The following SSH2 variants were observed in gnomAD, a reference collection of about 807,000 sequenced individuals.
SSH2 encodes the protein protein phosphatase Slingshot homolog 2.
In SSH2, 37 loss-of-function variants were observed where a neutral mutation model predicts 135.2. That is an observed-to-expected ratio of 0.27 (90% confidence interval 0.21 to 0.36). The LOEUF (loss-of-function observed/expected upper bound fraction) is 0.36. Among genes scored for constraint, SSH2 ranks in the 10% least tolerant of loss-of-function variants. SSH2 has a pLI of 1.00. For missense variants in SSH2, 1,408 were observed against 1,765.3 expected (o/e 0.80, Z 3.63); for synonymous variants, 628 against 646.2 (o/e 0.97, Z 0.43).
chr17:29,777,414 C>T (rs1349931376), intron 3 of SSH2, among the ~76,000 whole-genome samples: 1 of 152,036 alleles, frequency 6.6e-6, no homozygotes, highest in African/African-American at 2.4e-5. Flanking sequence ...ATTACTAGCC[C>T]ATCCTGTTTA....
chr17:29,898,080 C>T (rs1272172918), intron 1 of SSH2, among the ~76,000 whole-genome samples: 6 of 151,936 alleles, frequency 3.9e-5, no homozygotes, highest in South Asian at 2.1e-4. Context: ...TTGAAACCAA[C>T]GAGAACAAAG....
chr17:29,649,253 A>C (rs920278664), intron 13 of SSH2, among the ~76,000 whole-genome samples: 3 of 152,128 alleles, frequency 2.0e-5, no homozygotes, highest in African/African-American at 7.2e-5. Context: ...GAGTGCCCTC[A>C]GTTGTGCCTG....
At chr17:29,844,660 C>T (rs2043100920) in intron 2 of SSH2, among the ~76,000 whole-genome samples, 1 of 152,216 alleles carries the variant, frequency 6.6e-6, no homozygotes, top group African/African-American at 2.4e-5. Context: ...CACACTGTTA[C>T]CTTTCTCTGG....
chr17:29,669,555 T>C (rs2037408958), intron 9 of SSH2, among the ~76,000 whole-genome samples: 1 of 152,166 alleles, frequency 6.6e-6, no homozygotes, highest in African/African-American at 2.4e-5. Context: ...TCCTCCTCAA[T>C]TTCATTGGAG....
chr17:29,737,096 CT>C (rs1567931496), intron 3 of SSH2, among the ~76,000 whole-genome samples: 1 of 49,348 alleles, frequency 2.0e-5, no homozygotes, highest in East Asian at 5.1e-4. Context: ...AAGACTCTGT[CT>C]CAAAAAAAAA....
At chr17:29,783,057 G>C (rs538273335) in intron 3 of SSH2, among the ~76,000 whole-genome samples, 13 of 152,016 alleles carry the variant, frequency 8.6e-5, no homozygotes, top group African/African-American at 3.1e-4. Flanking sequence ...AATTTGTTGG[G>C]TAGGGGGCCA....
chr17:29,724,214 A>T (rs780289614), intron 3 of SSH2, among the ~76,000 whole-genome samples: 12 of 152,168 alleles, frequency 7.9e-5, no homozygotes, highest in Non-Finnish European at 1.5e-4. Context: ...AATCTAACTG[A>T]GGTTTTAAAA....
chr17:29,655,641 T>C (rs2036751511), intron 11 of SSH2, 34 bp from the exon 12 acceptor site: 2 of 1,597,778 alleles, frequency 1.3e-6, no homozygotes, highest in Non-Finnish European at 1.7e-6. Flanking sequence ...TAAGGAGTAT[T>C]AGCAAATCAA....
intron 1 of SSH2, among the ~76,000 whole-genome samples, chr17:29,853,086 AT>A (rs35782935): frequency 0.024 from 3,217 of 134,760 alleles, 119 homozygotes; most frequent in African/African-American, 0.072. Context: ...CACTGCAGAG[AT>A]TTTTTTTTTT....
At position 29,810,134 on chromosome 17, in the gene SSH2, T is replaced by C. The variant is rs537552158; in HGVS notation, c.145-16197A>G. Among the ~76,000 whole-genome samples the C allele has an allele frequency of 3.3e-5, 5 of 152,352 alleles. No individual in the cohort carries two copies. In the East Asian group the frequency reaches 5.8e-4, roughly 18 times the overall value. On this transcript the variant is annotated intron_variant, in intron 2 of 15. Coordinates refer to ENST00000540801, the MANE Select transcript of SSH2 (RefSeq NM_001282129.2). ...AATGTAAAAGAAAGAACAAGTATTG[T>C]AGGACAGATTCTCCAACCAAGGTGC...
At chr17:29,902,270 T>C (rs1325368047) in intron 1 of SSH2, among the ~76,000 whole-genome samples, 1 of 152,214 alleles carries the variant, frequency 6.6e-6, no homozygotes, top group Non-Finnish European at 1.5e-5. Flanking sequence ...TACCAACTCA[T>C]ATAGATGCAT....
At chr17:29,700,594 T>C (rs1190874187) in intron 4 of SSH2, among the ~76,000 whole-genome samples, 1 of 152,214 alleles carries the variant, frequency 6.6e-6, no homozygotes, top group East Asian at 1.9e-4. Flanking sequence ...CCAGTCTTTT[T>C]AGTGTATACA....
intron 5 of SSH2, among the ~76,000 whole-genome samples, chr17:29,689,429 T>C (rs2038370909): frequency 6.6e-6 from 1 of 152,228 alleles, no homozygotes; most frequent in African/African-American, 2.4e-5. Flanking sequence ...TTGAAATCAA[T>C]GACTGGAATA....
At chr17:29,897,594 T>C (rs1399802357) in intron 1 of SSH2, among the ~76,000 whole-genome samples, 3 of 152,154 alleles carry the variant, frequency 2.0e-5, no homozygotes, top group African/African-American at 7.2e-5. Context: ...TAAATATATA[T>C]GCACCCAATA....
chr17:29,929,567 G>A (rs534508896), intron 1 of SSH2, among the ~76,000 whole-genome samples: 35 of 152,094 alleles, frequency 2.3e-4, no homozygotes, highest in Non-Finnish European at 4.7e-4. Context: ...TGTGGGTAAG[G>A]GGCAACGCAG....
intron 3 of SSH2, among the ~76,000 whole-genome samples, chr17:29,735,051 G>A (rs568189365): frequency 6.6e-6 from 1 of 152,260 alleles, no homozygotes; most frequent in Non-Finnish European, 1.5e-5. Context: ...GGGTAAGGTC[G>A]TTAGATTCCT....
chr17:29,819,579 A>G (rs1277993763), intron 2 of SSH2, among the ~76,000 whole-genome samples: 2 of 152,242 alleles, frequency 1.3e-5, no homozygotes, highest in Non-Finnish European at 2.9e-5. Context: ...TGCAAGATCT[A>G]AGACACTAAC....
chr17:29,928,809 A>AT (rs11450521), intron 1 of SSH2, among the ~76,000 whole-genome samples: 71,818 of 151,912 alleles, frequency 0.47, 17,784 homozygotes, highest in East Asian at 0.69. Context: ...GGGTAACCTG[A>AT]TGATTTTTTT....
intron 4 of SSH2, among the ~76,000 whole-genome samples, chr17:29,699,757 G>C (rs1029764930): frequency 2.0e-5 from 3 of 151,944 alleles, no homozygotes; most frequent in African/African-American, 7.3e-5. Flanking sequence ...TTACTGTAAG[G>C]GATAAATATC....
Sources: allele counts gnomAD v4.1 joint callset (sites outside exome capture counted in the v4.1 genomes callset), GRCh38; gene constraint gnomAD v4.1.1; transcripts MANE v1.5; gene names NCBI Gene and HGNC (gene_info 2026-07-23, HGNC 2026-07-21).